Variants in PGAM2 observed in about 807,000 individuals in gnomAD.
The protein encoded by PGAM2 is phosphoglycerate mutase 2, also known as BPG-dependent PGAM 2.
PGAM2 carries 23 observed loss-of-function variants against 22.5 expected under a neutral mutation model. The ratio of observed to expected loss-of-function variants is 1.02; its 90% CI spans 0.74 to 1.45. The LOEUF (loss-of-function observed/expected upper bound fraction) is 1.45. PGAM2 is among the 40% of genes most tolerant of loss of function. The pLI, the probability that PGAM2 is intolerant of heterozygous loss-of-function variation, is 0.00. For missense variants in PGAM2, 349 were observed against 356.2 expected (o/e 0.98, Z 0.16); for synonymous variants, 133 against 138.6 (o/e 0.96, Z 0.29).
Position 44,065,477 on chromosome 7 carries a change from T to G in PGAM2, c.53A>C (p.Gln18Pro). Residue 18 changes from glutamine (Q) to proline (P), a missense_variant, in exon 1 of 3, where the codon CAG (glutamine) becomes CCG (proline). By Grantham distance (76) the Gln-to-Pro change is moderately conservative. Coordinates refer to ENST00000297283, the MANE Select transcript of PGAM2 (RefSeq NM_000290.4). The part of the protein sequence containing the change: ...MVRHGESTWN[Q>P]ENRFCGWFDA... ...GAACCAGCCACAGAAACGGTTCTCC[T>G]GGTTCCATGTGCTCTCGCCGTGCCG... The G allele has an allele frequency of 6.2e-7, 1 of 1,614,148 alleles. No individual in the cohort carries two copies. Among genetic ancestry groups the G allele is most frequent in the Non-Finnish European group, 8.5e-7 (1 of 1,180,038 alleles).
At chr7:44,064,797 A>AGCCCCCGGGCCTGAAGGGGGG in intron 2 of PGAM2, 35 bp downstream of exon 2, 1 of 633,308 alleles carries the variant, frequency 1.6e-6, no homozygotes, top group Non-Finnish European at 2.8e-6. Flanking sequence ...GCTGCTGCCC[A>AGCCCCCGGGCCTGAAGGGGGG]CCCACCCTGC....
chr7:44,064,943 G>A lies in PGAM2; in HGVS notation c.484C>T (p.Arg162Trp), dbSNP rs199977298. The A allele has an allele frequency of 2.1e-5, 34 of 1,609,592 alleles. No homozygotes were observed. Among genetic ancestry groups the A allele is most frequent in the South Asian group, 5.5e-5 (5 of 90,798 alleles). ...TCCTCGTTCCAGAAGGGCAGGGCCC[G>A]GGCAATGGTGTCCTTGAGGCTCTCG... Reference protein sequence around the residue: ...TCESLKDTIARALPFWNEEIV... With the variant: ...TCESLKDTIAWALPFWNEEIV... Residue 162 changes from arginine to tryptophan, a missense_variant, in exon 2 of 3, where the codon CGG becomes TGG. By Grantham distance (101) the Arg-to-Trp change is moderately radical. Coordinates refer to ENST00000297283, the MANE Select transcript of PGAM2 (RefSeq NM_000290.4).
rs2096153086 is a variant in PGAM2 at position 44,063,483 on chromosome 7, T to G, written c.596-553A>C. The G allele has an allele frequency of 2.7e-5, 5 of 185,132 alleles. No individual in the cohort carries two copies. The South Asian group carries it at 5.0e-4, about 19-fold the overall frequency. 11.5% of individuals were successfully genotyped at this position (185,132 alleles called of 1,614,324 possible). A position where few individuals can be genotyped will look rare whatever the true frequency, so the allele number is the denominator to read the frequency against. On this transcript the variant is annotated intron_variant, in intron 2 of 2. Coordinates refer to ENST00000297283, the MANE Select transcript of PGAM2 (RefSeq NM_000290.4). ...TTTAGTAGAAACGGGTTTTACCATG[T>G]TGGTCAGGCTGGTCTCAAACTCCTG...
intron 2 of PGAM2, 117 bp downstream of exon 2, chr7:44,064,715 G>T (rs1310594300): frequency 4.0e-5 from 36 of 897,342 alleles, no homozygotes; most frequent in Non-Finnish European, 5.6e-5. Flanking sequence ...TTCAGTGAAT[G>T]ATGTGGAGCC....
Position 44,062,916 on chromosome 7 carries a change from C to A in PGAM2, c.610G>T (p.Ala204Ser). 1 of 1,614,210 alleles carries A rather than the reference C, an allele frequency of 6.2e-7. No individual in the cohort carries two copies. Among genetic ancestry groups the A allele is most frequent in the South Asian group, 1.1e-5 (1 of 91,088 alleles). ...GTGGGCAGGTTCAGCTCCATGATCG[C>A]CTGGTCTGACATCCCTATGCCGGAA... Reference protein sequence around the residue: ...VKHLEGMSDQAIMELNLPTGI... With the variant: ...VKHLEGMSDQSIMELNLPTGI... The change falls in exon 3 of 3, where the codon GCG (alanine) becomes TCG (serine). Residue 204 changes from alanine to serine, a missense_variant. Physicochemically the swap from Ala to Ser is moderately conservative, Grantham distance 99 (BLOSUM62 1). Coordinates refer to ENST00000297283, the MANE Select transcript of PGAM2 (RefSeq NM_000290.4).
chr7:44,063,730 G>C (rs768273385), intron 2 of PGAM2: 3 of 153,792 alleles, frequency 2.0e-5, no homozygotes, highest in African/African-American at 4.8e-5. Context: ...ATAGCAGCTC[G>C]ACCTTTGATG....
chr7:44,063,239 G>T, intron 2 of PGAM2: 1 of 451,800 alleles, frequency 2.2e-6, no homozygotes, highest in Non-Finnish European at 4.1e-6. Context: ...GAAGTTGAGG[G>T]TCAGGAAGGG....
At position 44,065,330 on chromosome 7, in the gene PGAM2, A is replaced by G; in HGVS notation, c.200T>C (p.Leu67Pro). The change falls in exon 1 of 3, where the codon CTC (leucine) becomes CCC (proline). Residue 67 changes from leucine (L) to proline (P), a missense_variant. Physicochemically the swap from Leu to Pro is moderately conservative, Grantham distance 98. Coordinates refer to ENST00000297283, the MANE Select transcript of PGAM2 (RefSeq NM_000290.4). ...GTCCGTGCCGTCCAGGATGGCCCAG[A>G]GGGTGCGGATGGCCCGCTTCAGCAC... ...TSVLKRAIRT[L>P]WAILDGTDQM... is the part of the protein sequence containing the mutation. The G allele has an allele frequency of 6.2e-7, 1 of 1,613,764 alleles. No homozygotes were observed. The highest frequency in any genetic ancestry group is 8.5e-7 in the Non-Finnish European group (1 of 1,180,034).
Position 44,062,752 on chromosome 7 carries a change from C to T in PGAM2, c.*12G>A. ...TGTTGGGGGAGGTGCCTTTATTGCC[C>T]AAGCCCACCCCTCACTTGGCCTTGC... is the stretch of plus-strand genomic sequence containing the variant. On this transcript the variant is annotated 3_prime_UTR_variant, in exon 3 of 3. Coordinates refer to ENST00000297283, the MANE Select transcript of PGAM2 (RefSeq NM_000290.4). 1 of 1,613,880 alleles carries T rather than the reference C, an allele frequency of 6.2e-7. No individual in the cohort carries two copies. Among genetic ancestry groups the T allele is most frequent in the Non-Finnish European group, 8.5e-7 (1 of 1,179,908 alleles).
In PGAM2 at chr7:44,065,289, C is replaced by T. The variant is rs1225286412; in HGVS notation, c.241G>A (p.Val81Met). The T allele has an allele frequency of 1.2e-6, 2 of 1,613,700 alleles. No individual in the cohort carries two copies. The highest frequency in any genetic ancestry group is 3.3e-5 in the Admixed American group (2 of 60,032). ...TCATTGAGGCGCCAAGTGCGCACCA[C>T]AGGCAGCCACATCTGGTCCGTGCCG... is the stretch of plus-strand genomic sequence containing the variant. Reference protein sequence around the residue: ...LDGTDQMWLPVVRTWRLNERH... With the variant: ...LDGTDQMWLPMVRTWRLNERH... Residue 81 changes from valine (V) to methionine (M), a missense_variant, in exon 1 of 3, where the codon GTG becomes ATG. Coordinates refer to ENST00000297283, the MANE Select transcript of PGAM2 (RefSeq NM_000290.4).
chr7:44,064,896 G>T lies in PGAM2; in HGVS notation c.531C>A (p.Ala177=). Residue 177 remains alanine, a synonymous_variant, in exon 2 of 3, where the codon GCC becomes GCA. Coordinates refer to ENST00000297283, the MANE Select transcript of PGAM2 (RefSeq NM_000290.4). ...GGGCTGCAATGAGCACTCGCTTGCCGGCCTTGATCTGGGGAACAATCTCCT... is the reference window on the plus strand; with the variant it reads ...GGGCTGCAATGAGCACTCGCTTGCCTGCCTTGATCTGGGGAACAATCTCCT... ...WNEEIVPQIK[A]GKRVLIAAHG... is the part of the protein sequence containing the mutation. 1 of 1,600,078 alleles carries T rather than the reference G, an allele frequency of 6.2e-7. No homozygotes were observed. The highest frequency in any genetic ancestry group is 1.1e-5 in the South Asian group (1 of 90,410).
intron 2 of PGAM2, chr7:44,063,401 C>T (rs2096152865): frequency 4.8e-6 from 1 of 210,280 alleles, no homozygotes; most frequent in African/African-American, 2.3e-5. Flanking sequence ...TCTGCCTCAG[C>T]CTCCCAAGTA....
intron 2 of PGAM2, chr7:44,064,375 G>A (rs979933628): frequency 9.0e-6 from 2 of 223,348 alleles, no homozygotes; most frequent in African/African-American, 4.6e-5. Flanking sequence ...AGGACCTGAT[G>A]GGGGAGGGCC....
chr7:44,064,613 C>T (rs530680932), intron 2 of PGAM2: 10 of 584,912 alleles, frequency 1.7e-5, no homozygotes, highest in South Asian at 1.4e-4. Context: ...CAGCGAGCTT[C>T]GAGTGCAGTC....
rs1378925934 is a variant in PGAM2 at position 44,065,130 on chromosome 7, TGTA to T, written c.397_399del (p.Tyr133del). 6.2e-7 allele frequency: 1 copy of T among 1,613,932 alleles called. No homozygotes were observed. Among genetic ancestry groups the T allele is most frequent in the Non-Finnish European group, 8.5e-7 (1 of 1,180,002 alleles). On this transcript the variant is annotated inframe_deletion, in exon 1 of 3. Coordinates refer to ENST00000297283, the MANE Select transcript of PGAM2 (RefSeq NM_000290.4). ...AGGCAGCCCACCTTGCTAATGGAGT[TGTA>T]GTAGGGGTGCTTCTCGTCCATCGGG...
At position 44,064,961 on chromosome 7, in the gene PGAM2, G is replaced by T; in HGVS notation, c.466C>A (p.Leu156Ile). The T allele has an allele frequency of 6.2e-7, 1 of 1,608,202 alleles. No individual in the cohort carries two copies. Among genetic ancestry groups the T allele is most frequent in the African/African-American group, 1.3e-5 (1 of 75,062 alleles). Residue 156 changes from leucine to isoleucine, a missense_variant, in exon 2 of 3, where the codon CTC (leucine) becomes ATC (isoleucine). Leu to Ile is a conservative substitution (Grantham distance 5). Transcript: ENST00000297283. ...KPGELPTCES[L>I]KDTIARALPF... Reference sequence around the variant, plus strand: ...AGGGCCCGGGCAATGGTGTCCTTGAGGCTCTCGCAGGTGGGGAGTTCCCCG... The same window carrying T: ...AGGGCCCGGGCAATGGTGTCCTTGATGCTCTCGCAGGTGGGGAGTTCCCCG...
In PGAM2 at chr7:44,064,674, A is replaced by T. The variant is rs1007389491; in HGVS notation, c.595+158T>A. The T allele has an allele frequency of 5.7e-6, 4 of 699,788 alleles. No individual in the cohort carries two copies. The Admixed American group carries it at 9.6e-5, about 17-fold the overall frequency. The allele number at this position is 699,788 out of a possible 1,614,324, so 43.3% of individuals were successfully genotyped here. ...ACACAGAAATGGGGAAAATTTCACA[A>T]AACTAAAAAATGGCTTCTCAGCCCT... is the stretch of plus-strand genomic sequence containing the variant. On this transcript the variant is annotated intron_variant, in intron 2 of 2. Coordinates refer to ENST00000297283, the MANE Select transcript of PGAM2 (RefSeq NM_000290.4).
Position 44,065,238 on chromosome 7 carries a change from G to GC in PGAM2, c.291_292insG (p.Leu98AlafsTer40). ...TTGGCGGCCGTTTCTGCCTTGTTGA[G>GC]GCCTGTGAGGCCCCCGTAATGCCGC... On this transcript the variant is annotated frameshift_variant, in exon 1 of 3. Transcript: ENST00000297283. LOFTEE classifies it high-confidence loss of function. 1.9e-6 allele frequency: 3 copies of GC among 1,613,914 alleles called. No homozygotes were observed. The highest frequency in any genetic ancestry group is 2.5e-6 in the Non-Finnish European group (3 of 1,180,036).
intron 2 of PGAM2, 39 bp downstream of exon 2, chr7:44,064,793 G>GGGCC: frequency 8.8e-6 from 10 of 1,136,958 alleles, no homozygotes; most frequent in East Asian, 2.5e-5. Context: ...TGGGGCTGCT[G>GGGCC]CCCACCCACC....
Sources: gnomAD v4.1 joint callset for allele counts on GRCh38, gnomAD v4.1.1 for gene constraint, MANE v1.5 for transcripts, NCBI Gene and HGNC (gene_info 2026-07-23, HGNC 2026-07-21) for gene names.